WDR27: variants seen among roughly 807,000 people sequenced by gnomAD.
WDR27 encodes WD repeat domain 27.
Under a neutral mutation model 114.4 loss-of-function variants are expected in WDR27, and 100 were observed. That is an observed-to-expected ratio of 0.87 (90% CI 0.74 to 1.03). WDR27 has a LOEUF of 1.03. Ranked by LOEUF, WDR27 falls within the 50% of genes least tolerant of loss-of-function variation. WDR27 has a pLI of 0.00. For missense variants in WDR27, 1,129 were observed against 1,092.9 expected (o/e 1.03, Z -0.47); for synonymous variants, 449 against 423.1 (o/e 1.06, Z -0.75).
At chr6:169,694,123 C>G (rs1785202819) in intron 1 of WDR27, among the ~76,000 whole-genome samples, 1 of 152,144 alleles carries the variant, frequency 6.6e-6, no homozygotes. Flanking sequence ...TCCTGACCAA[C>G]ATGGTGAAAC....
chr6:169,435,998 T>G, the WDR27 span, among the ~76,000 whole-genome samples: 3 of 152,242 alleles, frequency 2.0e-5, no homozygotes, highest in Non-Finnish European at 4.4e-5. Flanking sequence ...TCATAATTAA[T>G]TTTTAAATAA....
chr6:169,505,780 G>A (rs1249932686), intron 25 of WDR27, among the ~76,000 whole-genome samples: 1 of 152,234 alleles, frequency 6.6e-6, no homozygotes, highest in African/African-American at 2.4e-5. Flanking sequence ...TGTGATCACA[G>A]TCATCTGGAA....
intron 2 of WDR27, among the ~76,000 whole-genome samples, chr6:169,687,099 A>G (rs6926848): frequency 0.011 from 1,660 of 152,274 alleles, 25 homozygotes; most frequent in African/African-American, 0.038. Context: ...AGTTAATAAT[A>G]ACTTATTATA....
At chr6:169,599,449 G>A (rs145610703) in intron 23 of WDR27, among the ~76,000 whole-genome samples, 2,063 of 152,178 alleles carry the variant, frequency 0.014, 44 homozygotes, top group African/African-American at 0.047. Context: ...CCTGTTATTG[G>A]TCTATTCAGA....
chr6:169,582,132 G>A (rs1248896987), intron 24 of WDR27, among the ~76,000 whole-genome samples: 4 of 152,036 alleles, frequency 2.6e-5, no homozygotes, highest in African/African-American at 9.7e-5. Context: ...CACCACCATG[G>A]TCGGCTCATT....
At chr6:169,558,400 G>C (rs1799205540) in intron 25 of WDR27, 1 of 152,120 alleles carries the variant, frequency 6.6e-6, no homozygotes, top group Admixed American at 6.5e-5. Context: ...GCTGGAAACA[G>C]AGCCAGGTGC....
chr6:169,448,194 G>A, the WDR27 span, among the ~76,000 whole-genome samples: 57 of 152,222 alleles, frequency 3.7e-4, no homozygotes, highest in Admixed American at 7.8e-4. Flanking sequence ...GTGAGCCACC[G>A]TGCCTGGCCA....
At chr6:169,504,131 T>TTATC (rs1222207824) in intron 25 of WDR27, among the ~76,000 whole-genome samples, 2 of 152,176 alleles carry the variant, frequency 1.3e-5, no homozygotes, top group African/African-American at 4.8e-5. Flanking sequence ...TGGTAAAATA[T>TTATC]TATCAGTAGA....
chr6:169,580,933 T>TTATATATATATATATACA (rs1803270055), intron 24 of WDR27, among the ~76,000 whole-genome samples: 3 of 53,692 alleles, frequency 5.6e-5, no homozygotes, highest in South Asian at 1.8e-3. Context: ...TTAGTGAATT[T>TTATATATATATATATACA]TATATATATA....
At chr6:169,586,076 C>G (rs1375500689) in intron 23 of WDR27, among the ~76,000 whole-genome samples, 1 of 152,156 alleles carries the variant, frequency 6.6e-6, no homozygotes, top group African/African-American at 2.4e-5. Flanking sequence ...CAATTTGTTT[C>G]CTGGCACTGC....
chr6:169,513,285 A>G (rs1037427780), intron 25 of WDR27, among the ~76,000 whole-genome samples: 7 of 152,150 alleles, frequency 4.6e-5, no homozygotes, highest in Non-Finnish European at 1.0e-4. Context: ...ACAAAGTATT[A>G]CTAGAAGCTG....
At chr6:169,448,321 A>G in the WDR27 span, among the ~76,000 whole-genome samples, 2 of 149,784 alleles carry the variant, frequency 1.3e-5, no homozygotes, top group Non-Finnish European at 3.0e-5. Context: ...GACAGGGAGT[A>G]TGGTTGCTGT....
At chr6:169,450,168 C>T in the WDR27 span, among the ~76,000 whole-genome samples, 1 of 152,178 alleles carries the variant, frequency 6.6e-6, no homozygotes, top group African/African-American at 2.4e-5. Context: ...GGAGCAACAG[C>T]GTCATGGGCA....
intron 25 of WDR27, among the ~76,000 whole-genome samples, chr6:169,467,384 A>C (rs1785730376): frequency 6.6e-6 from 1 of 152,176 alleles, no homozygotes; most frequent in South Asian, 2.1e-4. Flanking sequence ...CTGTCCTAGT[A>C]GGGGTTCTTC....
intron 14 of WDR27, among the ~76,000 whole-genome samples, chr6:169,650,407 CT>C (rs1319523904): frequency 1.4e-5 from 2 of 142,834 alleles, no homozygotes. Flanking sequence ...CCTCCATCCC[CT>C]CATCTATCCA....
chr6:169,539,892 A>G (rs1320716737), intron 25 of WDR27, among the ~76,000 whole-genome samples: 1 of 152,198 alleles, frequency 6.6e-6, no homozygotes, highest in African/African-American at 2.4e-5. Flanking sequence ...CTGTTAACCT[A>G]CATAGACTCC....
rs900259416 is a variant in WDR27 at position 169,649,169 on chromosome 6, G to A, written c.1559+29C>T. On this transcript the variant is annotated intron_variant, in intron 15 of 25. Coordinates refer to ENST00000448612, the MANE Select transcript of WDR27 (RefSeq NM_182552.5). ...TGGAAAGGTCTAGGTTATTTCAAAT[G>A]TACTTGGAATGCACGCTACATCACA... 5.2e-6 allele frequency: 8 copies of A among 1,544,078 alleles called. No homozygotes were observed. In the Admixed American group the frequency reaches 1.6e-4, roughly 30 times the overall value.
At chr6:169,497,586 A>T (rs1451278268) in intron 25 of WDR27, among the ~76,000 whole-genome samples, 1 of 151,982 alleles carries the variant, frequency 6.6e-6, no homozygotes, top group African/African-American at 2.4e-5. Flanking sequence ...TAAAACATGG[A>T]TTAAGAACTT....
chr6:169,454,312 T>C (rs907220605), downstream of WDR27, among the ~76,000 whole-genome samples: 1 of 152,196 alleles, frequency 6.6e-6, no homozygotes, highest in Non-Finnish European at 1.5e-5. Flanking sequence ...GCTAGGTATC[T>C]GAGAAAGATT....
Sources: gnomAD v4.1 joint callset for allele counts (sites outside exome capture counted in the v4.1 genomes callset) on GRCh38, gnomAD v4.1.1 for gene constraint, MANE v1.5 for transcripts, NCBI Gene and HGNC (gene_info 2026-07-23, HGNC 2026-07-21) for gene names.